Variants in TMEM74 observed in about 807,000 individuals in gnomAD.
TMEM74 encodes transmembrane protein 74.
A neutral mutation model predicts 18.1 loss-of-function variants in TMEM74; 13 were observed. The observed-to-expected ratio is 0.72, with a 90% CI of 0.47 to 1.14. The LOEUF (loss-of-function observed/expected upper bound fraction) is 1.14, where lower values mean the gene tolerates loss of function less well. TMEM74 is among the 50% of genes most tolerant of loss of function. The pLI is 0.00. For synonymous variants in TMEM74, 159 were observed against 146.6 expected (o/e 1.08, Z -0.61); for missense variants, 372 against 375.9 (o/e 0.99, Z 0.09).
At chr8:108,660,474 C>G (rs755259294) in intron 1 of TMEM74, among the ~76,000 whole-genome samples, 3 of 152,162 alleles carry the variant, frequency 2.0e-5, no homozygotes, top group Non-Finnish European at 4.4e-5. Flanking sequence ...TGGTATTCAA[C>G]CTTCCCAAAA....
intron 1 of TMEM74, among the ~76,000 whole-genome samples, chr8:108,744,754 T>C (rs976820726): frequency 2.0e-5 from 3 of 152,178 alleles, no homozygotes; most frequent in Non-Finnish European, 2.9e-5. Context: ...ACTTAGATTG[T>C]AGACCTAAAG....
At chr8:108,651,869 A>G (rs1236472120) in intron 2 of TMEM74, among the ~76,000 whole-genome samples, 1 of 151,996 alleles carries the variant, frequency 6.6e-6, no homozygotes, top group Non-Finnish European at 1.5e-5. Flanking sequence ...AGAACTGTTC[A>G]CTGGTGAGCT....
intron 3 of TMEM74, among the ~76,000 whole-genome samples, chr8:108,608,297 T>TAA (rs1812298806): frequency 1.2e-5 from 1 of 80,900 alleles, no homozygotes; most frequent in African/African-American, 4.8e-5. Context: ...CAAGACTCTG[T>TAA]CAAAAAAAAA....
At chr8:108,657,536 C>T (rs1812831731) in intron 1 of TMEM74, among the ~76,000 whole-genome samples, 2 of 151,722 alleles carry the variant, frequency 1.3e-5, no homozygotes, top group African/African-American at 4.8e-5. Flanking sequence ...AACCCCAAAC[C>T]CCAACTAAAC....
intron 1 of TMEM74, among the ~76,000 whole-genome samples, chr8:108,760,050 G>A (rs1192744678): frequency 1.3e-5 from 2 of 152,108 alleles, no homozygotes; most frequent in East Asian, 3.9e-4. Context: ...GCACATGCCT[G>A]TAGTTGTAGC....
chr8:108,701,136 A>G (rs1374139409), intron 1 of TMEM74, among the ~76,000 whole-genome samples: 2 of 151,838 alleles, frequency 1.3e-5, no homozygotes, highest in Non-Finnish European at 2.9e-5. Context: ...AAAGAAAAAA[A>G]TACGTAATCA....
At chr8:108,661,421 C>T (rs1812899200) in intron 1 of TMEM74, among the ~76,000 whole-genome samples, 1 of 112,416 alleles carries the variant, frequency 8.9e-6, no homozygotes, top group African/African-American at 3.4e-5. Flanking sequence ...CTGAGGTCAT[C>T]TGAGAAAGAT....
At chr8:108,697,644 T>G (rs1170569273) in intron 1 of TMEM74, among the ~76,000 whole-genome samples, 1 of 152,146 alleles carries the variant, frequency 6.6e-6, no homozygotes, top group Non-Finnish European at 1.5e-5. Context: ...CTCATACACC[T>G]GGCCTCAAGA....
At chr8:108,639,270 T>C (rs1812638605) in intron 2 of TMEM74, among the ~76,000 whole-genome samples, 2 of 152,158 alleles carry the variant, frequency 1.3e-5, no homozygotes, top group African/African-American at 4.8e-5. Context: ...TTTCAGTTTA[T>C]ATATGAGTAA....
At chr8:108,728,591 A>G (rs780504368) in intron 1 of TMEM74, among the ~76,000 whole-genome samples, 1 of 152,134 alleles carries the variant, frequency 6.6e-6, no homozygotes, top group Non-Finnish European at 1.5e-5. Flanking sequence ...ATTTATTGCT[A>G]TTCATTCAAT....
rs1201653686 is a variant in TMEM74, at chr8:108,780,654, A to T, written c.*3527T>A. On this transcript the variant is annotated 3_prime_UTR_variant, in exon 2 of 2. Coordinates refer to ENST00000297459, the MANE Select transcript of TMEM74 (RefSeq NM_153015.3). ...AGGGGGATGAACTCATATTTTAAGC[A>T]GACAGCAAAGCATGTGATGATATCA... Among the ~76,000 whole-genome samples, 1 of 152,186 alleles carries T rather than the reference A, an allele frequency of 6.6e-6. No homozygotes were observed. Among genetic ancestry groups the T allele is most frequent in the African/African-American group, 2.4e-5 (1 of 41,450 alleles).
rs988266774 is a variant in TMEM74, at chr8:108,779,736, TATAAA to T, written c.*4440_*4444del. Reference sequence around the variant, plus strand: ...ACTTTGGATATTAAAGCTGTATAACTATAAAATATAGTCCAAATGCACATAGACTT... The same window carrying T: ...ACTTTGGATATTAAAGCTGTATAACTATATAGTCCAAATGCACATAGACTT... On this transcript the variant is annotated 3_prime_UTR_variant, in exon 2 of 2. Transcript: ENST00000297459. Among the ~76,000 whole-genome samples the T allele has an allele frequency of 1.3e-5, 2 of 152,190 alleles. No individual in the cohort carries two copies. Among genetic ancestry groups the T allele is most frequent in the South Asian group, 4.1e-4 (2 of 4,830 alleles).
chr8:108,641,601 T>C (rs1812665284), intron 2 of TMEM74, among the ~76,000 whole-genome samples: 1 of 152,144 alleles, frequency 6.6e-6, no homozygotes, highest in Non-Finnish European at 1.5e-5. Flanking sequence ...CATGGGACTG[T>C]CTTCTGTTGT....
intron 1 of TMEM74, among the ~76,000 whole-genome samples, chr8:108,686,846 A>G (rs1039338823): frequency 2.0e-5 from 3 of 152,256 alleles, no homozygotes; most frequent in East Asian, 1.9e-4. Flanking sequence ...TTTATTATTA[A>G]TTTTTGAGGA....
At chr8:108,756,718 AAGAG>A (rs1243890504) in intron 1 of TMEM74, among the ~76,000 whole-genome samples, 1 of 91,004 alleles carries the variant, frequency 1.1e-5, no homozygotes, top group African/African-American at 4.3e-5. Flanking sequence ...GAAAGAAAGA[AAGAG>A]AAAGAAAGAA....
intron 1 of TMEM74, among the ~76,000 whole-genome samples, chr8:108,768,157 C>T (rs1157523151): frequency 6.6e-6 from 1 of 152,158 alleles, no homozygotes; most frequent in South Asian, 2.1e-4. Context: ...AGACCTCAAA[C>T]TCAACATATC....
In TMEM74 at chr8:108,714,513, G is replaced by T. The variant is rs963216553; in HGVS notation, n.120-59076C>A. On this transcript the variant is annotated intron_variant and non_coding_transcript_variant, in intron 1 of 3. Transcript: ENST00000518838. ...AAGGGAGGAACAGGTGACTGACAAAGATAGAAAATGAGTTGTCTCAGATGT... is the reference window on the plus strand; with the variant it reads ...AAGGGAGGAACAGGTGACTGACAAATATAGAAAATGAGTTGTCTCAGATGT... Among the ~76,000 whole-genome samples, 4 of 152,168 alleles carry T rather than the reference G, an allele frequency of 2.6e-5. No homozygotes were observed. The East Asian group carries it at 7.7e-4, about 29-fold the overall frequency.
At chr8:108,679,751 A>G (rs981181950) in intron 1 of TMEM74, among the ~76,000 whole-genome samples, 1 of 152,138 alleles carries the variant, frequency 6.6e-6, no homozygotes, top group African/African-American at 2.4e-5. Context: ...CTTGAGTTTA[A>G]TTAGATCCCA....
intron 2 of TMEM74, among the ~76,000 whole-genome samples, chr8:108,614,386 T>C (rs1324345397): frequency 6.6e-6 from 1 of 152,156 alleles, no homozygotes; most frequent in Non-Finnish European, 1.5e-5. Flanking sequence ...TTAGCTTAAT[T>C]TTAAGAATAA....
Sources: gnomAD v4.1 joint callset for allele counts (sites outside exome capture counted in the v4.1 genomes callset) on GRCh38, gnomAD v4.1.1 for gene constraint, MANE v1.5 for transcripts, NCBI Gene and HGNC (gene_info 2026-07-23, HGNC 2026-07-21) for gene names.